SNTN: variants seen among roughly 807,000 people sequenced by gnomAD.
The protein encoded by SNTN is sentan, cilia apical structure protein.
In SNTN, 13 loss-of-function variants were observed where a neutral mutation model predicts 12.3. That is an observed-to-expected ratio of 1.05 (90% confidence interval 0.69 to 1.67). The LOEUF (loss-of-function observed/expected upper bound fraction) is 1.67, where lower values mean the gene tolerates loss of function less well. Among genes scored for constraint, SNTN ranks in the 40% most tolerant of loss-of-function variants. SNTN has a pLI of 0.00. For synonymous variants in SNTN, 69 were observed against 58.5 expected (o/e 1.18, Z -0.82); for missense variants, 189 against 169.8 (o/e 1.11, Z -0.63).
Position 63,660,562 on chromosome 3 carries a change from C to T in SNTN, c.285+698C>T, listed in dbSNP as rs537027888. ...GAGATAAACAAACAAATAGAAGAGA[C>T]GTTTAGAAGGTGGAATGAACAAGAT... On this transcript the variant is annotated intron_variant, in intron 3 of 3. Transcript: ENST00000343837. 6.6e-5 allele frequency among the ~76,000 whole-genome samples: 10 copies of T among 152,086 alleles called. No homozygotes were observed. In the East Asian group the frequency reaches 1.4e-3, roughly 21 times the overall value.
chr3:63,653,667 A>G (rs1281294114), intron 1 of SNTN, among the ~76,000 whole-genome samples: 1 of 152,226 alleles, frequency 6.6e-6, no homozygotes, highest in African/African-American at 2.4e-5. Context: ...TTGGGGGTTG[A>G]AAAATCAAGC....
chr3:63,663,967 A>C lies in SNTN; in HGVS notation c.316A>C (p.Ile106Leu). 6.2e-7 allele frequency: 1 copy of C among 1,613,298 alleles called. No individual in the cohort carries two copies. Among genetic ancestry groups the C allele is most frequent in the Non-Finnish European group, 8.5e-7 (1 of 1,179,818 alleles). Residue 106 changes from isoleucine (I) to leucine (L), a missense_variant, in exon 4 of 4, where the codon ATC (isoleucine) becomes CTC (leucine). Ile to Leu is a conservative substitution (Grantham distance 5, BLOSUM62 2). Coordinates refer to ENST00000343837, the MANE Select transcript of SNTN (RefSeq NM_001080537.2). Reference sequence around the variant, plus strand: ...AGAAACCAAGCCAAAATACAGAGAGATCCTTTCTGAACTTGATGAGCACAC... The same window carrying C: ...AGAAACCAAGCCAAAATACAGAGAGCTCCTTTCTGAACTTGATGAGCACAC... ...GQETKPKYRE[I>L]LSELDEHTEN...
At chr3:63,657,101 G>A (rs1037612730) in intron 2 of SNTN, among the ~76,000 whole-genome samples, 3 of 152,168 alleles carry the variant, frequency 2.0e-5, no homozygotes, top group African/African-American at 7.2e-5. Context: ...TTCTTTTGAT[G>A]TTGCTCACTG....
intron 3 of SNTN, chr3:63,663,608 TACC>T: frequency 1.0e-5 from 3 of 297,506 alleles, no homozygotes; most frequent in Non-Finnish European, 1.9e-5. Context: ...CTCTGTTAGT[TACC>T]ACAAGAGCTG....
At chr3:63,653,875 T>A (rs1474372229) in intron 1 of SNTN, among the ~76,000 whole-genome samples, 1 of 152,208 alleles carries the variant, frequency 6.6e-6, no homozygotes, top group Admixed American at 6.5e-5. Context: ...TGGCCCTGCC[T>A]GGCCTTTAAC....
At position 63,663,861 on chromosome 3, in the gene SNTN, T is replaced by A. The variant is rs1575752235; in HGVS notation, c.286-76T>A. 3.3e-6 allele frequency: 5 copies of A among 1,515,368 alleles called. 1 individual carries two copies. The East Asian group carries it at 9.1e-5, about 27-fold the overall frequency. 93.9% of individuals were successfully genotyped at this position (1,515,368 alleles called of 1,614,324 possible). A position where few individuals can be genotyped will look rare whatever the true frequency, so the allele number is the denominator to read the frequency against. ...TCTATTACAGCAACACTAAACAGAC[T>A]AAGACATTATTGTTTATGATCTGTA... On this transcript the variant is annotated intron_variant, in intron 3 of 3. Coordinates refer to ENST00000343837, the MANE Select transcript of SNTN (RefSeq NM_001080537.2).
At chr3:63,663,566 GC>G in intron 3 of SNTN, 1 of 200,462 alleles carries the variant, frequency 5.0e-6, no homozygotes, top group Non-Finnish European at 1.0e-5. Flanking sequence ...ATAAATGAAT[GC>G]CCTGCCTTGG....
chr3:63,659,824 C>A lies in SNTN; in HGVS notation c.245C>A (p.Ala82Asp). The A allele has an allele frequency of 6.2e-7, 1 of 1,613,866 alleles. No homozygotes were observed. The highest frequency in any genetic ancestry group is 8.5e-7 in the Non-Finnish European group (1 of 1,179,932). ...DSDGKLEKAI[A>D]KDLLQTQFRN... ...GATGGTAAACTTGAAAAAGCTATTG[C>A]CAAAGATCTGCTGCAAACCCAATTT... Residue 82 changes from alanine (A) to aspartate (D), a missense_variant, in exon 3 of 4, where the codon GCC becomes GAC. Physicochemically the swap from Ala to Asp is moderately radical, Grantham distance 126 (BLOSUM62 -2). Coordinates refer to ENST00000343837, the MANE Select transcript of SNTN (RefSeq NM_001080537.2).
At chr3:63,653,093 C>A (rs1700638141) in intron 1 of SNTN, among the ~76,000 whole-genome samples, 1 of 151,236 alleles carries the variant, frequency 6.6e-6, no homozygotes, top group South Asian at 2.1e-4. Flanking sequence ...AAATTATGCA[C>A]AACAGAGAGA....
chr3:63,659,948 C>T lies in SNTN; in HGVS notation c.285+84C>T. 2.6e-6 allele frequency: 4 copies of T among 1,518,430 alleles called. No individual in the cohort carries two copies. In the South Asian group the frequency reaches 3.5e-5, roughly 13 times the overall value. 94.1% of individuals were successfully genotyped at this position (1,518,430 alleles called of 1,614,324 possible). On this transcript the variant is annotated intron_variant, in intron 3 of 3. Coordinates refer to ENST00000343837, the MANE Select transcript of SNTN (RefSeq NM_001080537.2). Reference sequence around the variant, plus strand: ...AGCAAATAACTCCAGCTCCAGGTCCCTGTCATGTTGTCTCACGTAACAAAT... The same window carrying T: ...AGCAAATAACTCCAGCTCCAGGTCCTTGTCATGTTGTCTCACGTAACAAAT...
intron 2 of SNTN, among the ~76,000 whole-genome samples, chr3:63,659,338 G>A (rs149532921): frequency 6.6e-6 from 1 of 152,328 alleles, no homozygotes; most frequent in East Asian, 1.9e-4. Flanking sequence ...CACAAGAGTA[G>A]GACTTCATTT....
At chr3:63,656,594 C>T (rs1187470249) in intron 2 of SNTN, among the ~76,000 whole-genome samples, 1 of 151,992 alleles carries the variant, frequency 6.6e-6, no homozygotes, top group South Asian at 2.1e-4. Flanking sequence ...TTAACTTTTA[C>T]CTGTTTATTT....
At chr3:63,655,905 G>A (rs2106939147) in intron 2 of SNTN, among the ~76,000 whole-genome samples, 1 of 152,344 alleles carries the variant, frequency 6.6e-6, no homozygotes, top group East Asian at 1.9e-4. Context: ...GATTAGGAAT[G>A]CAGGGTGAGT....
At chr3:63,654,879 C>T (rs2106938273) in intron 2 of SNTN, 83 bp downstream of exon 2, 1 of 1,211,746 alleles carries the variant, frequency 8.3e-7, no homozygotes, top group South Asian at 1.3e-5. Flanking sequence ...AATAGGACAT[C>T]AAAGAATGCC....
chr3:63,656,309 C>G (rs1467167011), intron 2 of SNTN, among the ~76,000 whole-genome samples: 4 of 152,114 alleles, frequency 2.6e-5, no homozygotes, highest in Non-Finnish European at 5.9e-5. Context: ...AAGCCTACAA[C>G]ATGCCAGGGC....
At chr3:63,657,752 G>T (rs769523772) in intron 2 of SNTN, among the ~76,000 whole-genome samples, 2 of 152,152 alleles carry the variant, frequency 1.3e-5, no homozygotes, top group Admixed American at 1.3e-4. Context: ...TCACGATGGG[G>T]ATGCCCTTGC....
chr3:63,659,302 C>G (rs1440531695), intron 2 of SNTN, among the ~76,000 whole-genome samples: 2 of 152,182 alleles, frequency 1.3e-5, no homozygotes, highest in African/African-American at 4.8e-5. Flanking sequence ...CGAAGTGATG[C>G]TGTGTCTGAC....
intron 1 of SNTN, among the ~76,000 whole-genome samples, chr3:63,653,987 C>T (rs1038632795): frequency 2.0e-5 from 3 of 152,188 alleles, no homozygotes; most frequent in Non-Finnish European, 2.9e-5. Context: ...ACATAAGTTT[C>T]CTCTGCATGG....
intron 2 of SNTN, among the ~76,000 whole-genome samples, chr3:63,656,468 T>G (rs1700680456): frequency 6.6e-6 from 1 of 152,176 alleles, no homozygotes; most frequent in Non-Finnish European, 1.5e-5. Context: ...GTGTTAAGAC[T>G]TAGGAGACTT....
Sources: gnomAD v4.1 joint callset for allele counts (sites outside exome capture counted in the v4.1 genomes callset) on GRCh38, gnomAD v4.1.1 for gene constraint, MANE v1.5 for transcripts, NCBI Gene and HGNC (gene_info 2026-07-23, HGNC 2026-07-21) for gene names.